PFKP: variants seen among roughly 807,000 people sequenced by gnomAD.
PFKP encodes ATP-dependent 6-phosphofructokinase, platelet type.
Under a neutral mutation model 94.3 loss-of-function variants are expected in PFKP, and 101 were observed. The ratio of observed to expected loss-of-function variants is 1.07; its 90% CI spans 0.91 to 1.26. The LOEUF (loss-of-function observed/expected upper bound fraction) is 1.26. Ranked by LOEUF, PFKP falls within the 50% of genes most tolerant of loss-of-function variation. The probability of loss-of-function intolerance (pLI) is 0.00; values close to 1 mark genes in which losing one functional copy is unlikely to be tolerated. For synonymous variants in PFKP, 573 were observed against 432.6 expected, an observed-to-expected ratio of 1.32 and a Z score of -4.03; for missense variants, 1,145 against 1,103.3, an observed-to-expected ratio of 1.04 and a Z score of -0.53.
chr10:3,126,864 G>GGGGT (rs1472945171), intron 16 of PFKP, among the ~76,000 whole-genome samples: 1 of 152,254 alleles, frequency 6.6e-6, no homozygotes, highest in Admixed American at 6.5e-5. Flanking sequence ...GTCCTTGCAG[G>GGGGT]GGGTGGCGTC....
At chr10:3,086,842 C>T (rs1176278143) in intron 2 of PFKP, among the ~76,000 whole-genome samples, 1 of 152,104 alleles carries the variant, frequency 6.6e-6, no homozygotes, top group South Asian at 2.1e-4. Flanking sequence ...GCTGTAGTCG[C>T]CCGTCTGTTT....
rs867764781 is a variant in PFKP at position 3,110,247 on chromosome 10, A to G, written c.1089+767A>G. On this transcript the variant is annotated intron_variant, in intron 10 of 21. Coordinates refer to ENST00000381125, the MANE Select transcript of PFKP (RefSeq NM_002627.5). ...ACGGAGTCTCACTGTTGCCCAGGCT[A>G]GAGTGCAGTGGCGTGATCTTGGCTC... Among the ~76,000 whole-genome samples the G allele has an allele frequency of 7.9e-5, 12 of 152,066 alleles. No homozygotes were observed. The Middle Eastern group carries it at 0.017, about 216-fold the overall frequency.
At chr10:3,136,345 T>G in intron 21 of PFKP, 105 bp from the exon 22 acceptor site, 1 of 1,209,586 alleles carries the variant, frequency 8.3e-7, no homozygotes, top group Non-Finnish European at 1.2e-6. Flanking sequence ...CAGCCGACCC[T>G]ACAAACCCTG....
At chr10:3,107,872 G>C in intron 8 of PFKP, 4 of 1,288,494 alleles carry the variant, frequency 3.1e-6, no homozygotes, top group Non-Finnish European at 4.0e-6. Context: ...CTGATACCAT[G>C]GGCTGTGCCC....
At chr10:3,090,603 C>T (rs1019127766) in intron 2 of PFKP, among the ~76,000 whole-genome samples, 4 of 151,970 alleles carry the variant, frequency 2.6e-5, no homozygotes, top group Non-Finnish European at 5.9e-5. Flanking sequence ...CTGGGCTTCT[C>T]TCTGAGTGTC....
At chr10:3,129,723 G>C in intron 16 of PFKP, 96 bp from the exon 17 acceptor site, 2 of 1,316,736 alleles carry the variant, frequency 1.5e-6, no homozygotes, top group Middle Eastern at 2.6e-4. Context: ...TGGGCGCGGT[G>C]GGGGGGCCTT....
intron 20 of PFKP, 64 bp downstream of exon 20, chr10:3,134,646 G>C: frequency 9.4e-7 from 1 of 1,060,574 alleles, no homozygotes; most frequent in South Asian, 1.3e-5. Flanking sequence ...TGGTGAAAAT[G>C]CTGTCCTATC....
chr10:3,102,174 C>A (rs888005337), intron 4 of PFKP, among the ~76,000 whole-genome samples: 1 of 136,622 alleles, frequency 7.3e-6, no homozygotes, highest in African/African-American at 2.7e-5. Flanking sequence ...TGGCGTGAAC[C>A]CGGGAGGCGG....
At chr10:3,091,154 G>C (rs1044602570) in intron 2 of PFKP, among the ~76,000 whole-genome samples, 2 of 152,192 alleles carry the variant, frequency 1.3e-5, no homozygotes, top group East Asian at 3.9e-4. Context: ...GAGACTCGGG[G>C]AGGGTTTGCC....
At chr10:3,127,234 C>CGCTG (rs746161201) in intron 16 of PFKP, among the ~76,000 whole-genome samples, 1 of 152,254 alleles carries the variant, frequency 6.6e-6, no homozygotes, top group Non-Finnish European at 1.5e-5. Context: ...TACCAGCTGT[C>CGCTG]GCTGCGTTTA....
chr10:3,091,225 G>A (rs188077187), intron 2 of PFKP, among the ~76,000 whole-genome samples: 65 of 152,170 alleles, frequency 4.3e-4, no homozygotes, highest in South Asian at 1.7e-3. Context: ...TTTCTCTTAA[G>A]CTAAGGTTTT....
intron 10 of PFKP, 94 bp downstream of exon 10, chr10:3,109,574 G>A (rs1835963585): frequency 6.9e-7 from 1 of 1,452,040 alleles, no homozygotes; most frequent in Non-Finnish European, 9.3e-7. Context: ...TGTCTCGTCG[G>A]TGCACGATGC....
intron 20 of PFKP, 23 bp downstream of exon 20, chr10:3,134,605 C>T: frequency 6.7e-7 from 1 of 1,488,652 alleles, no homozygotes; most frequent in Non-Finnish European, 9.4e-7. Context: ...GGGAGGGAGG[C>T]CACAGCCTCG....
chr10:3,132,453 A>G lies in PFKP; in HGVS notation c.1910+12A>G, dbSNP rs1259273376. 1.3e-6 allele frequency: 2 copies of G among 1,593,668 alleles called. No individual in the cohort carries two copies. Among genetic ancestry groups the G allele is most frequent in the Middle Eastern group, 1.7e-4 (1 of 6,008 alleles). Reference sequence around the variant, plus strand: ...GGCCTTGTGCTCAGGTGAGAGAGAGAGACCAGGGGCTGATCTTACCCTCAC... The same window carrying G: ...GGCCTTGTGCTCAGGTGAGAGAGAGGGACCAGGGGCTGATCTTACCCTCAC... On this transcript the variant is annotated intron_variant, in intron 18 of 21. Transcript: ENST00000381125.
intron 8 of PFKP, chr10:3,108,083 A>G: frequency 8.8e-7 from 1 of 1,133,904 alleles, no homozygotes. Context: ...AATATTTATA[A>G]GTGGTCATCC....
Position 3,113,417 on chromosome 10 carries a change from G to A in PFKP, c.1270G>A (p.Gly424Arg). 6.2e-7 allele frequency: 1 copy of A among 1,602,552 alleles called. No homozygotes were observed. The highest frequency in any genetic ancestry group is 1.3e-5 in the African/African-American group (1 of 74,856). ...CATCAACGTGGGGGCACCCGCGGCT[G>A]GGATGAACGCAGCCGTACGCTCAGC... The part of the protein sequence containing the change: ...AVINVGAPAA[G>R]MNAAVRSAVR... Residue 424 changes from glycine (G) to arginine (R), a missense_variant, in exon 13 of 22, where the codon GGG becomes AGG. Coordinates refer to ENST00000381125, the MANE Select transcript of PFKP (RefSeq NM_002627.5).
chr10:3,076,431 T>C (rs2131390554), intron 1 of PFKP, among the ~76,000 whole-genome samples: 1 of 152,170 alleles, frequency 6.6e-6, no homozygotes, highest in African/African-American at 2.4e-5. Context: ...AGATGTCCAT[T>C]TGGCTAAACT....
intron 17 of PFKP, among the ~76,000 whole-genome samples, chr10:3,131,083 A>G (rs554205079): frequency 2.6e-5 from 4 of 151,946 alleles, no homozygotes; most frequent in East Asian, 3.9e-4. Flanking sequence ...TTATAAAAAC[A>G]TATCTTTTTA....
chr10:3,077,647 A>G (rs1431880477), intron 1 of PFKP, among the ~76,000 whole-genome samples: 1 of 152,150 alleles, frequency 6.6e-6, no homozygotes, highest in Non-Finnish European at 1.5e-5. Context: ...GTAAACTGGG[A>G]AATCCAGCTC....
Sources: allele counts gnomAD v4.1 joint callset (sites outside exome capture counted in the v4.1 genomes callset), GRCh38; gene constraint gnomAD v4.1.1; transcripts MANE v1.5; gene names NCBI Gene and HGNC (gene_info 2026-07-23, HGNC 2026-07-21).